Variants in SH3BGRL2 observed in about 807,000 individuals in gnomAD.
SH3BGRL2 encodes the protein SH3 domain binding glutamate rich protein like 2.
SH3BGRL2 carries 21 observed loss-of-function variants against 14.8 expected under a neutral mutation model. The observed-to-expected ratio is 1.42, with a 90% CI of 1.01 to 2.05. The LOEUF (loss-of-function observed/expected upper bound fraction) is 2.05. Ranked by LOEUF, SH3BGRL2 falls within the 30% of genes most tolerant of loss-of-function variation. The probability of loss-of-function intolerance (pLI) is 0.00; values close to 1 mark genes in which losing one functional copy is unlikely to be tolerated. For synonymous variants in SH3BGRL2, 50 were observed against 47.8 expected (o/e 1.05, Z -0.19); for missense variants, 147 against 130.8 (o/e 1.12, Z -0.61).
At chr6:79,576,346 C>G in the SH3BGRL2 span, among the ~76,000 whole-genome samples, 2 of 152,138 alleles carry the variant, frequency 1.3e-5, no homozygotes, top group Non-Finnish European at 2.9e-5. Flanking sequence ...CTTCAGTAAT[C>G]ATTTGTTAGT....
chr6:79,648,828 GA>G (rs1271991091), intron 1 of SH3BGRL2, among the ~76,000 whole-genome samples: 12 of 152,142 alleles, frequency 7.9e-5, no homozygotes, highest in Non-Finnish European at 1.3e-4. Flanking sequence ...GTCTACTTTG[GA>G]AAACATAAAG....
At chr6:79,650,200 AAGTGCCTGTAG>A (rs1299548300) in intron 1 of SH3BGRL2, among the ~76,000 whole-genome samples, 5 of 152,154 alleles carry the variant, frequency 3.3e-5, no homozygotes, top group African/African-American at 9.6e-5. Flanking sequence ...AGGGAAGGGC[AAGTGCCTGTAG>A]AGATTTCAGA....
chr6:79,655,639 C>T (rs1055362735), intron 1 of SH3BGRL2, among the ~76,000 whole-genome samples: 1 of 152,130 alleles, frequency 6.6e-6, no homozygotes, highest in African/African-American at 2.4e-5. Flanking sequence ...TGCTTTCTGT[C>T]TACATGGTCA....
intron 2 of SH3BGRL2, among the ~76,000 whole-genome samples, chr6:79,689,681 A>G (rs536162545): frequency 2.5e-4 from 38 of 152,210 alleles, no homozygotes; most frequent in Admixed American, 5.9e-4. Context: ...GTTTATATAT[A>G]TGAAACTTGC....
intron 2 of SH3BGRL2, among the ~76,000 whole-genome samples, chr6:79,692,581 C>G (rs1423998500): frequency 6.6e-6 from 1 of 152,180 alleles, no homozygotes; most frequent in African/African-American, 2.4e-5. Context: ...ATATGGCTAG[C>G]CAGTTTTCCC....
At chr6:79,636,182 C>A (rs1319834140) in intron 1 of SH3BGRL2, among the ~76,000 whole-genome samples, 2 of 152,112 alleles carry the variant, frequency 1.3e-5, no homozygotes, top group East Asian at 3.9e-4. Context: ...GCAAGCTGAC[C>A]AGATTGAGAT....
chr6:79,615,424 C>T, the SH3BGRL2 span, among the ~76,000 whole-genome samples: 1 of 152,164 alleles, frequency 6.6e-6, no homozygotes, highest in East Asian at 1.9e-4. Context: ...ACTCCATAGC[C>T]TGATGCACCT....
chr6:79,613,354 T>G, the SH3BGRL2 span, among the ~76,000 whole-genome samples: 2 of 152,192 alleles, frequency 1.3e-5, no homozygotes, highest in Admixed American at 1.3e-4. Flanking sequence ...CATGACCAAG[T>G]GAAGAAAGAG....
the SH3BGRL2 span, among the ~76,000 whole-genome samples, chr6:79,580,166 C>G: frequency 6.6e-6 from 1 of 152,160 alleles, no homozygotes; most frequent in African/African-American, 2.4e-5. Flanking sequence ...TAGAGACCTA[C>G]AAAGAGACTT....
chr6:79,648,976 G>A (rs1769224529), intron 1 of SH3BGRL2, among the ~76,000 whole-genome samples: 1 of 152,128 alleles, frequency 6.6e-6, no homozygotes, highest in South Asian at 2.1e-4. Flanking sequence ...AGGAGACCTG[G>A]AAGGAAGCAG....
the SH3BGRL2 span, among the ~76,000 whole-genome samples, chr6:79,565,550 C>T: frequency 6.7e-6 from 1 of 148,338 alleles, no homozygotes; most frequent in Non-Finnish European, 1.5e-5. Flanking sequence ...TATCACAATG[C>T]ATACTTTCTC....
the SH3BGRL2 span, among the ~76,000 whole-genome samples, chr6:79,544,463 C>T: frequency 6.6e-6 from 1 of 152,070 alleles, no homozygotes; most frequent in African/African-American, 2.4e-5. Flanking sequence ...TTTTGCAAGC[C>T]AATTGATGTC....
chr6:79,693,979 T>G (rs988409106), intron 2 of SH3BGRL2, among the ~76,000 whole-genome samples: 5 of 152,042 alleles, frequency 3.3e-5, no homozygotes, highest in African/African-American at 9.7e-5. Context: ...GATTTTGGAG[T>G]TACAGGGCCC....
intron 2 of SH3BGRL2, 48 bp downstream of exon 2, chr6:79,673,847 C>T (rs1275763838): frequency 9.6e-6 from 15 of 1,567,394 alleles, no homozygotes; most frequent in Admixed American, 3.7e-5. Flanking sequence ...TTGTTCAGAA[C>T]ACATGCCACC....
At chr6:79,550,084 T>A in the SH3BGRL2 span, among the ~76,000 whole-genome samples, 9 of 152,150 alleles carry the variant, frequency 5.9e-5, no homozygotes, top group African/African-American at 1.9e-4. Flanking sequence ...TTTCTACAGT[T>A]CTGCATTTTC....
At chr6:79,691,886 G>A in intron 2 of SH3BGRL2, among the ~76,000 whole-genome samples, 1 of 151,746 alleles carries the variant, frequency 6.6e-6, no homozygotes, top group Non-Finnish European at 1.5e-5. Flanking sequence ...TGGGATGGCT[G>A]GGTCAAATGG....
At chr6:79,635,755 A>G (rs1768909940) in intron 1 of SH3BGRL2, among the ~76,000 whole-genome samples, 1 of 152,216 alleles carries the variant, frequency 6.6e-6, no homozygotes, top group South Asian at 2.1e-4. Flanking sequence ...GAAATCATGG[A>G]TAGGACTTCA....
At chr6:79,652,780 C>T (rs1474855306) in intron 1 of SH3BGRL2, among the ~76,000 whole-genome samples, 1 of 152,032 alleles carries the variant, frequency 6.6e-6, no homozygotes, top group Non-Finnish European at 1.5e-5. Flanking sequence ...ATAATCACAT[C>T]ATGTAACACT....
At chr6:79,674,733 A>T (rs1202092807) in intron 2 of SH3BGRL2, among the ~76,000 whole-genome samples, 1 of 152,200 alleles carries the variant, frequency 6.6e-6, no homozygotes, top group African/African-American at 2.4e-5. Flanking sequence ...CCATGTGTAG[A>T]TTATACAGAG....
Sources: gnomAD v4.1 joint callset for allele counts (sites outside exome capture counted in the v4.1 genomes callset) on GRCh38, gnomAD v4.1.1 for gene constraint, MANE v1.5 for transcripts, NCBI Gene and HGNC (gene_info 2026-07-23, HGNC 2026-07-21) for gene names.